Variants in RNF126 observed in about 807,000 individuals in gnomAD.
The protein encoded by RNF126 is ring finger protein 126.
In RNF126, 20 loss-of-function variants were observed where a neutral mutation model predicts 41.9. That is an observed-to-expected ratio of 0.48 (90% CI 0.34 to 0.69). The LOEUF is 0.69. Among genes scored for constraint, RNF126 ranks in the 30% least tolerant of loss-of-function variants. The pLI is 0.01. For missense variants in RNF126, 433 were observed against 460.6 expected, an observed-to-expected ratio of 0.94 and a Z score of 0.55; for synonymous variants, 239 against 202.9, an observed-to-expected ratio of 1.18 and a Z score of -1.51.
intron 2 of RNF126, chr19:652,620 C>CG (rs2030367648): frequency 1.6e-6 from 1 of 613,838 alleles, no homozygotes; most frequent in African/African-American, 1.9e-5. Context: ...GCACAGGTTG[C>CG]CGGCACTCCC....
chr19:651,447 G>GTA, intron 4 of RNF126, 164 bp downstream of exon 4: 1 of 593,368 alleles, frequency 1.7e-6, no homozygotes, highest in Non-Finnish European at 2.6e-6. Flanking sequence ...TCTCCGAAGG[G>GTA]CCGTGTGGGG....
At chr19:661,140 C>T (rs115726162) in intron 1 of RNF126, among the ~76,000 whole-genome samples, 3 of 152,344 alleles carry the variant, frequency 2.0e-5, no homozygotes, top group Admixed American at 1.3e-4. Context: ...CAGTGACAGT[C>T]GGAGGAGGTC....
rs1261614227 is a variant in RNF126 at position 659,751 on chromosome 19, C to T, written c.75+3296G>A. Reference sequence around the variant, plus strand: ...TCCCTTTGCTGCTCAGACACCCAGACACCCTCGTCATCGCCTTTTTTTTTT... The same window carrying T: ...TCCCTTTGCTGCTCAGACACCCAGATACCCTCGTCATCGCCTTTTTTTTTT... On this transcript the variant is annotated intron_variant, in intron 1 of 8. Transcript: ENST00000292363. This position sits in a 1 kb window ranked among gnomAD's most constrained non-coding sequence, Gnocchi z 4.9. 6.6e-6 allele frequency among the ~76,000 whole-genome samples: 1 copy of T among 151,704 alleles called. No individual in the cohort carries two copies. Among genetic ancestry groups the T allele is most frequent in the African/African-American group, 2.4e-5 (1 of 41,308 alleles).
At chr19:651,578 G>C (rs2030289252) in intron 4 of RNF126, 33 bp downstream of exon 4, 2 of 1,390,778 alleles carry the variant, frequency 1.4e-6, no homozygotes, top group East Asian at 5.7e-5. Context: ...TCAAGGCGTG[G>C]GGCCCTCGCG....
intron 2 of RNF126, chr19:652,603 A>G: frequency 1.6e-6 from 1 of 608,730 alleles, no homozygotes; most frequent in Non-Finnish European, 2.9e-6. Context: ...GAGGGAGGTG[A>G]GCGGCTGCAC....
chr19:648,402 G>A lies in RNF126; in HGVS notation c.756C>T (p.His252=), dbSNP rs759841734. 17 of 1,574,818 alleles carry A rather than the reference G, an allele frequency of 1.1e-5. No homozygotes were observed. The highest frequency in any genetic ancestry group is 3.6e-5 in the Admixed American group (2 of 56,304). The change falls in exon 8 of 9, where the codon CAC becomes CAT. Residue 252 remains histidine (H), a synonymous_variant. Transcript: ENST00000292363. ...CCAGCCAGGGCACGATGCAGCCGTC[G>A]TGGAACAGGTGGTTGCAGGGCAGCT... ...VRQLPCNHLF[H]DGCIVPWLEQ...
chr19:660,846 A>G (rs115151174), intron 1 of RNF126, among the ~76,000 whole-genome samples: 3,250 of 152,288 alleles, frequency 0.021, 110 homozygotes, highest in African/African-American at 0.072. Flanking sequence ...CGTACGGAGA[A>G]GTTCTGACAC....
At position 648,123 on chromosome 19, in the gene RNF126, T is replaced by G. The variant is rs2030050768; in HGVS notation, c.*5A>C. 1.3e-6 allele frequency: 2 copies of G among 1,571,976 alleles called. No individual in the cohort carries two copies. The highest frequency in any genetic ancestry group is 1.7e-6 in the Non-Finnish European group (2 of 1,154,540). On this transcript the variant is annotated 3_prime_UTR_variant, in exon 9 of 9. Transcript: ENST00000292363. Reference sequence around the variant, plus strand: ...CCCCGTGCTTTCCCGACGGCCGACGTGGGCTCACGAGTTGCTTGTGGCGTT... The same window carrying G: ...CCCCGTGCTTTCCCGACGGCCGACGGGGGCTCACGAGTTGCTTGTGGCGTT...
intron 6 of RNF126, 93 bp downstream of exon 6, chr19:649,585 TG>T: frequency 9.8e-7 from 1 of 1,016,174 alleles, no homozygotes; most frequent in Non-Finnish European, 1.5e-6. Flanking sequence ...TTGACCTTTG[TG>T]GGGCTTCGTG....
intron 2 of RNF126, 94 bp from the exon 3 acceptor site, chr19:652,390 G>A: frequency 8.6e-7 from 1 of 1,159,674 alleles, no homozygotes; most frequent in Non-Finnish European, 1.2e-6. Context: ...GGGAGAGCAG[G>A]AATTGTCCTT....
chr19:652,737 G>C, intron 2 of RNF126, 89 bp downstream of exon 2: 3 of 1,226,182 alleles, frequency 2.4e-6, no homozygotes, highest in South Asian at 1.2e-5. Flanking sequence ...CCCCACACTC[G>C]GCGGGGCGGA....
chr19:658,500 GCTA>G (rs201613651), intron 1 of RNF126, among the ~76,000 whole-genome samples: 1,757 of 152,222 alleles, frequency 0.012, 35 homozygotes, highest in African/African-American at 0.04. Flanking sequence ...CCCCGTGCTG[GCTA>G]CTGTTTTCCT....
chr19:660,105 C>T (rs2030732492), intron 1 of RNF126, among the ~76,000 whole-genome samples: 1 of 152,364 alleles, frequency 6.6e-6, no homozygotes, highest in Non-Finnish European at 1.5e-5. Context: ...GCCCCTGTGC[C>T]GTCGTCGCCT....
rs1024782635 is a variant in RNF126 at position 659,507 on chromosome 19, G to A, written c.75+3540C>T. On this transcript the variant is annotated intron_variant, in intron 1 of 8. Transcript: ENST00000292363. This position sits in a 1 kb window ranked among gnomAD's most constrained non-coding sequence, Gnocchi z 4.9. ...ACCCTAGGAACCACCCAGAGACGGG[G>A]AGGTCAGGGGCAAGGACGGCACGCA... 6.6e-6 allele frequency among the ~76,000 whole-genome samples: 1 copy of A among 152,120 alleles called. No homozygotes were observed. The highest frequency in any genetic ancestry group is 1.5e-5 in the Non-Finnish European group (1 of 68,012).
chr19:656,910 G>A (rs966143589), intron 1 of RNF126, among the ~76,000 whole-genome samples: 2 of 152,178 alleles, frequency 1.3e-5, no homozygotes, highest in Non-Finnish European at 2.9e-5. Flanking sequence ...GGTTGCCGCC[G>A]TCCGCCCGCC....
In RNF126 at chr19:652,584, G is replaced by A. The variant is rs146478740; in HGVS notation, c.134+242C>T. 1.1e-3 allele frequency: 674 copies of A among 606,210 alleles called. 2 individuals are homozygous for A. Among genetic ancestry groups the A allele is most frequent in the South Asian group, 4.3e-3 (214 of 50,050 alleles). The allele number at this position is 606,210 out of a possible 1,614,324, so 37.6% of individuals were successfully genotyped here. On this transcript the variant is annotated intron_variant, in intron 2 of 8. Coordinates refer to ENST00000292363, the MANE Select transcript of RNF126 (RefSeq NM_194460.3). ...GAGGGCCTGGGTCACCAGATTAGCC[G>A]CCGAGGCTGAGGGAGGTGAGCGGCT...
rs545887235 is a variant in RNF126 at position 660,455 on chromosome 19, A to G, written c.75+2592T>C. Among the ~76,000 whole-genome samples the G allele has an allele frequency of 2.4e-3, 365 of 152,090 alleles. 1 individual carries two copies. Among genetic ancestry groups the G allele is most frequent in the African/African-American group, 8.7e-3 (359 of 41,346 alleles). On this transcript the variant is annotated intron_variant, in intron 1 of 8. Coordinates refer to ENST00000292363, the MANE Select transcript of RNF126 (RefSeq NM_194460.3). Reference sequence around the variant, plus strand: ...GGCAGGCAGGAGCTTCCCGACAGCCAGCCCAGGTGTCTCAGCAGCAGCAGT... The same window carrying G: ...GGCAGGCAGGAGCTTCCCGACAGCCGGCCCAGGTGTCTCAGCAGCAGCAGT...
rs748143806 is a variant in RNF126 at position 648,186 on chromosome 19, G to A, written c.878C>T (p.Ser293Leu). The change falls in exon 9 of 9, where the codon TCG becomes TTG. Residue 293 changes from serine to leucine, a missense_variant. Transcript: ENST00000292363. ...PGLTGVSFSS[S>L]SSSSSSSSPS... ...CGAGCTGGAGGAGGACGATGACGAC[G>A]AGGAGGAGAAGCTCACCCCAGTGAG... 6.2e-6 allele frequency: 10 copies of A among 1,607,574 alleles called. No homozygotes were observed. Among genetic ancestry groups the A allele is most frequent in the South Asian group, 3.3e-5 (3 of 90,300 alleles).
In RNF126 at chr19:648,873, C is replaced by T; in HGVS notation, c.670+9G>A. The stretch of plus-strand genomic sequence containing the variant: ...AATTCCCACTACTCGGGAGGCTGAG[C>T]TCTCATACCTACGTGCTCCTCAGTG... On this transcript the variant is annotated intron_variant, in intron 7 of 8. Transcript: ENST00000292363. The T allele has an allele frequency of 1.4e-6, 2 of 1,436,908 alleles. No homozygotes were observed. Among genetic ancestry groups the T allele is most frequent in the Non-Finnish European group, 9.2e-7 (1 of 1,087,000 alleles). The allele number at this position is 1,436,908 out of a possible 1,614,324, so 89.0% of individuals were successfully genotyped here.
Sources: allele counts gnomAD v4.1 joint callset (sites outside exome capture counted in the v4.1 genomes callset), GRCh38; gene constraint gnomAD v4.1.1; non-coding constraint Gnocchi (gnomAD v3.1); transcripts MANE v1.5; gene names NCBI Gene and HGNC (gene_info 2026-07-23, HGNC 2026-07-21).